Variants in FSTL5 observed in about 807,000 individuals in gnomAD.
FSTL5 encodes the protein follistatin like 5, also known as follistatin-related protein 5.
A neutral mutation model predicts 89.1 loss-of-function variants in FSTL5; 62 were observed. The observed-to-expected ratio is 0.70, with a 90% CI of 0.57 to 0.86. The LOEUF is 0.86. FSTL5 is among the 40% of genes least tolerant of loss of function. The probability of loss-of-function intolerance (pLI) is 0.00; values close to 1 mark genes in which losing one functional copy is unlikely to be tolerated. For missense variants in FSTL5, 1,057 were observed against 1,001.6 expected, an observed-to-expected ratio of 1.06 and a Z score of -0.75; for synonymous variants, 383 against 346.2, an observed-to-expected ratio of 1.11 and a Z score of -1.18.
At chr4:161,454,896 T>G in intron 15 of FSTL5, 108 bp downstream of exon 15, 1 of 984,328 alleles carries the variant, frequency 1.0e-6, no homozygotes, top group Non-Finnish European at 1.5e-6. Flanking sequence ...CAAGTTCAAT[T>G]GTACATGTGT....
intron 13 of FSTL5, among the ~76,000 whole-genome samples, chr4:161,461,010 T>G (rs972058498): frequency 6.6e-6 from 1 of 152,138 alleles, no homozygotes; most frequent in Admixed American, 6.5e-5. Flanking sequence ...GTATGATGCA[T>G]GATTTCTGAG....
intron 7 of FSTL5, among the ~76,000 whole-genome samples, chr4:161,595,812 A>T (rs569014273): frequency 6.6e-6 from 1 of 152,156 alleles, no homozygotes; most frequent in East Asian, 1.9e-4. Flanking sequence ...TTCATCTGTT[A>T]TAAAATGGTA....
chr4:161,959,276 A>G (rs1234036684), intron 3 of FSTL5, among the ~76,000 whole-genome samples: 2 of 152,130 alleles, frequency 1.3e-5, no homozygotes, highest in Non-Finnish European at 2.9e-5. Flanking sequence ...ATAACTTTCA[A>G]AGACATATAT....
intron 7 of FSTL5, among the ~76,000 whole-genome samples, chr4:161,624,556 T>G (rs1735248333): frequency 1.4e-5 from 2 of 145,264 alleles, no homozygotes; most frequent in South Asian, 4.1e-4. Flanking sequence ...TAGGTGTACA[T>G]TTTTTAATTA....
intron 4 of FSTL5, among the ~76,000 whole-genome samples, chr4:161,879,991 T>G (rs1434905498): frequency 6.6e-6 from 1 of 152,168 alleles, no homozygotes; most frequent in Non-Finnish European, 1.5e-5. Flanking sequence ...TACTTAAAGG[T>G]GAGTTGTTAA....
intron 4 of FSTL5, among the ~76,000 whole-genome samples, chr4:161,847,301 T>C (rs1046462298): frequency 7.9e-5 from 12 of 152,224 alleles, no homozygotes; most frequent in African/African-American, 2.9e-4. Flanking sequence ...ATAACTTTTG[T>C]TGAGTGTTTT....
At chr4:161,545,864 A>G (rs531819165) in intron 8 of FSTL5, among the ~76,000 whole-genome samples, 58 of 152,106 alleles carry the variant, frequency 3.8e-4, no homozygotes, top group African/African-American at 1.4e-3. Context: ...TGAATACAAC[A>G]AAATATCTCA....
intron 4 of FSTL5, among the ~76,000 whole-genome samples, chr4:161,817,670 A>G (rs779978401): frequency 1.3e-5 from 2 of 152,160 alleles, no homozygotes; most frequent in Non-Finnish European, 2.9e-5. Flanking sequence ...TTCAATTTTG[A>G]TAGTCATATA....
chr4:161,496,919 A>C (rs1730106526), intron 12 of FSTL5, among the ~76,000 whole-genome samples: 1 of 152,068 alleles, frequency 6.6e-6, no homozygotes, highest in Admixed American at 6.6e-5. Flanking sequence ...GAAATGGAGA[A>C]CTTATTGATT....
intron 3 of FSTL5, among the ~76,000 whole-genome samples, chr4:161,946,143 T>C (rs549517530): frequency 6.6e-6 from 1 of 152,300 alleles, no homozygotes; most frequent in East Asian, 1.9e-4. Flanking sequence ...TCAAATTTCT[T>C]TATCAGAGTA....
chr4:161,608,522 G>A (rs1734531358), intron 7 of FSTL5, among the ~76,000 whole-genome samples: 2 of 151,806 alleles, frequency 1.3e-5, no homozygotes, highest in Admixed American at 6.6e-5. Flanking sequence ...AGAAAAATGT[G>A]TAAAAAGAGT....
intron 6 of FSTL5, among the ~76,000 whole-genome samples, chr4:161,755,964 A>T (rs1173163503): frequency 6.6e-6 from 1 of 152,076 alleles, no homozygotes; most frequent in Admixed American, 6.6e-5. Context: ...AGAAATCGAT[A>T]AGTATTTATA....
At chr4:162,053,476 T>G (rs1161557017) in intron 2 of FSTL5, among the ~76,000 whole-genome samples, 1 of 151,744 alleles carries the variant, frequency 6.6e-6, no homozygotes, top group South Asian at 2.1e-4. Flanking sequence ...CAAAACACAT[T>G]TTCAGAGTCC....
intron 12 of FSTL5, among the ~76,000 whole-genome samples, chr4:161,487,821 A>G (rs909938161): frequency 7.9e-5 from 12 of 152,118 alleles, no homozygotes; most frequent in African/African-American, 2.9e-4. Flanking sequence ...AATGCAAGGA[A>G]TATAAATAAT....
At chr4:161,867,083 T>C (rs979710033) in intron 4 of FSTL5, among the ~76,000 whole-genome samples, 5 of 152,004 alleles carry the variant, frequency 3.3e-5, no homozygotes, top group African/African-American at 1.2e-4. Context: ...TAGAATGATA[T>C]ATTCAGAGCC....
intron 6 of FSTL5, among the ~76,000 whole-genome samples, chr4:161,656,916 T>C (rs1046564502): frequency 6.6e-6 from 1 of 152,162 alleles, no homozygotes; most frequent in Non-Finnish European, 1.5e-5. Flanking sequence ...AAAATGCATC[T>C]TTTTGCTGGG....
At chr4:161,935,718 TC>T (rs2110908077) in intron 3 of FSTL5, among the ~76,000 whole-genome samples, 1 of 152,204 alleles carries the variant, frequency 6.6e-6, no homozygotes, top group African/African-American at 2.4e-5. Context: ...TTTCTCATGG[TC>T]CCCATATTCA....
chr4:161,516,970 C>T (rs905430818), intron 10 of FSTL5, among the ~76,000 whole-genome samples: 1 of 152,106 alleles, frequency 6.6e-6, no homozygotes, highest in East Asian at 1.9e-4. Flanking sequence ...CTCTGCTCAA[C>T]ACAACCTCCA....
chr4:161,666,681 G>A (rs982747335), intron 6 of FSTL5, among the ~76,000 whole-genome samples: 4 of 152,202 alleles, frequency 2.6e-5, no homozygotes, highest in South Asian at 4.1e-4. Flanking sequence ...CCTATATGGG[G>A]AGAGAACAGT....
Sources: allele counts gnomAD v4.1 joint callset (sites outside exome capture counted in the v4.1 genomes callset), GRCh38; gene constraint gnomAD v4.1.1; transcripts MANE v1.5; gene names NCBI Gene and HGNC (gene_info 2026-07-23, HGNC 2026-07-21).